HS3ST2: variants seen among roughly 807,000 people sequenced by gnomAD.
HS3ST2 encodes the protein heparan sulfate glucosamine 3-O-sulfotransferase 2.
HS3ST2 carries 17 observed loss-of-function variants against 26.3 expected under a neutral mutation model. The observed-to-expected ratio is 0.65, with a 90% CI of 0.44 to 0.97. The LOEUF is 0.97. Ranked by LOEUF, HS3ST2 falls within the 50% of genes least tolerant of loss-of-function variation. The probability of loss-of-function intolerance (pLI) is 0.00; values close to 1 mark genes in which losing one functional copy is unlikely to be tolerated. For missense variants in HS3ST2, 402 were observed against 501.2 expected, an observed-to-expected ratio of 0.80 and a Z score of 1.89; for synonymous variants, 237 against 219.2, an observed-to-expected ratio of 1.08 and a Z score of -0.72.
chr16:22,820,175 C>G (rs2141174171), intron 1 of HS3ST2, among the ~76,000 whole-genome samples: 1 of 152,328 alleles, frequency 6.6e-6, no homozygotes, highest in Non-Finnish European at 1.5e-5. Flanking sequence ...ATAAACCCCC[C>G]CCCATTTGTC....
rs142376058 is a variant in HS3ST2 at position 22,883,277 on chromosome 16, C to T, written c.486-31667C>T. On this transcript the variant is annotated intron_variant, in intron 1 of 1. Coordinates refer to ENST00000261374, the MANE Select transcript of HS3ST2 (RefSeq NM_006043.2). Reference sequence around the variant, plus strand: ...ATCAGACAACTATTGTCCATAACATCAGCCCTGCAACTCAGTCTGAGGGTT... The same window carrying T: ...ATCAGACAACTATTGTCCATAACATTAGCCCTGCAACTCAGTCTGAGGGTT... Among the ~76,000 whole-genome samples the T allele has an allele frequency of 1.4e-3, 211 of 152,340 alleles. 1 individual carries two copies. Among genetic ancestry groups the T allele is most frequent in the African/African-American group, 4.7e-3 (197 of 41,576 alleles).
rs377238664 is a variant in HS3ST2, at chr16:22,914,964, T to A, written c.506T>A (p.Leu169His). The A allele has an allele frequency of 4.3e-6, 7 of 1,612,884 alleles. No homozygotes were observed. In the African/African-American group the frequency reaches 9.3e-5, roughly 22 times the overall value. ...DWYRSLMPRT[L>H]ESQITLEKTP... is the part of the protein sequence containing the mutation. Reference sequence around the variant, plus strand: ...CACAGGAGCCTGATGCCCAGGACCCTCGAGAGCCAGATCACGCTGGAGAAG... The same window carrying A: ...CACAGGAGCCTGATGCCCAGGACCCACGAGAGCCAGATCACGCTGGAGAAG... The change falls in exon 2 of 2, where the codon CTC (leucine) becomes CAC (histidine). Residue 169 changes from leucine to histidine, a missense_variant. Leu to His is a moderately conservative substitution (Grantham distance 99, BLOSUM62 -3). Around this residue, in one of 2 missense-constraint regions of HS3ST2, gnomAD observed 237 missense variants for 346.6 expected, o/e 0.68. Transcript: ENST00000261374.
chr16:22,874,562 G>T (rs1479048367), intron 1 of HS3ST2, among the ~76,000 whole-genome samples: 3 of 152,198 alleles, frequency 2.0e-5, no homozygotes, highest in South Asian at 2.1e-4. Context: ...ATATGGCTGT[G>T]AGTCTGTCTC....
At chr16:22,887,564 A>C (rs1902076965) in intron 1 of HS3ST2, among the ~76,000 whole-genome samples, 1 of 152,106 alleles carries the variant, frequency 6.6e-6, no homozygotes, top group African/African-American at 2.4e-5. Context: ...TGACACAAAC[A>C]CTCAGTCTAT....
chr16:22,821,988 C>G (rs928949442), intron 1 of HS3ST2, among the ~76,000 whole-genome samples: 1 of 152,118 alleles, frequency 6.6e-6, no homozygotes, highest in Non-Finnish European at 1.5e-5. Context: ...GGCTCCACCT[C>G]AGTGTCCATG....
chr16:22,897,217 T>G (rs1354402970), intron 1 of HS3ST2, among the ~76,000 whole-genome samples: 3 of 152,260 alleles, frequency 2.0e-5, no homozygotes, highest in Non-Finnish European at 4.4e-5. Flanking sequence ...TTTCTTTTCC[T>G]TTATCACAAG....
At chr16:22,832,835 G>A (rs1188409173) in intron 1 of HS3ST2, among the ~76,000 whole-genome samples, 1 of 151,682 alleles carries the variant, frequency 6.6e-6, no homozygotes, top group Non-Finnish European at 1.5e-5. Context: ...CAGCACCGAT[G>A]ACCTCCTGCC....
At chr16:22,906,830 C>G (rs1241023153) in intron 1 of HS3ST2, among the ~76,000 whole-genome samples, 2 of 152,234 alleles carry the variant, frequency 1.3e-5, no homozygotes, top group African/African-American at 4.8e-5. Flanking sequence ...CAATGGGCAT[C>G]TACCTCTGAC....
At chr16:22,827,001 G>A (rs1018298241) in intron 1 of HS3ST2, among the ~76,000 whole-genome samples, 9 of 152,154 alleles carry the variant, frequency 5.9e-5, no homozygotes, top group Admixed American at 2.0e-4. Flanking sequence ...ACAGGGAGGC[G>A]GAGAAAGAAT....
intron 1 of HS3ST2, among the ~76,000 whole-genome samples, chr16:22,827,181 G>T (rs1404211621): frequency 6.6e-6 from 1 of 152,214 alleles, no homozygotes; most frequent in Non-Finnish European, 1.5e-5. Context: ...CCTGAGGACA[G>T]AGGGTGGCTG....
intron 1 of HS3ST2, among the ~76,000 whole-genome samples, chr16:22,857,228 C>T (rs944364335): frequency 5.9e-5 from 9 of 152,086 alleles, no homozygotes; most frequent in Admixed American, 3.3e-4. Flanking sequence ...TATTAATTTC[C>T]GTAGTTATAA....
chr16:22,846,865 G>A (rs1345816017), intron 1 of HS3ST2, among the ~76,000 whole-genome samples: 2 of 152,174 alleles, frequency 1.3e-5, no homozygotes, highest in Admixed American at 6.5e-5. Context: ...GAGACAGTCT[G>A]GATGTCCATC....
chr16:22,854,390 G>A (rs1178745472), intron 1 of HS3ST2, among the ~76,000 whole-genome samples: 1 of 151,872 alleles, frequency 6.6e-6, no homozygotes, highest in Non-Finnish European at 1.5e-5. Flanking sequence ...ATATTCTTTT[G>A]AAACACAGGT....
chr16:22,886,856 G>T, intron 1 of HS3ST2, among the ~76,000 whole-genome samples: 1 of 152,038 alleles, frequency 6.6e-6, no homozygotes, highest in South Asian at 2.1e-4. Context: ...AAGCTCCTGG[G>T]CTCAAACGGT....
At chr16:22,881,624 C>A (rs1218321510) in intron 1 of HS3ST2, among the ~76,000 whole-genome samples, 1 of 152,186 alleles carries the variant, frequency 6.6e-6, no homozygotes, top group South Asian at 2.1e-4. Context: ...AGATGACTCT[C>A]ACGACAGAAT....
chr16:22,910,051 A>AAAAG (rs1555515049), intron 1 of HS3ST2, among the ~76,000 whole-genome samples: 5 of 151,566 alleles, frequency 3.3e-5, no homozygotes, highest in Non-Finnish European at 7.4e-5. Flanking sequence ...AAAAAAAAAA[A>AAAAG]AAAGAAAGAA....
chr16:22,902,976 T>C (rs1474561525), intron 1 of HS3ST2, among the ~76,000 whole-genome samples: 1 of 152,188 alleles, frequency 6.6e-6, no homozygotes, highest in Non-Finnish European at 1.5e-5. Context: ...TTTGTGTTTA[T>C]AGTGTAGGTG....
chr16:22,873,819 A>T (rs1422491064), intron 1 of HS3ST2, among the ~76,000 whole-genome samples: 1 of 152,144 alleles, frequency 6.6e-6, no homozygotes, highest in Non-Finnish European at 1.5e-5. Flanking sequence ...GGCTGGATTC[A>T]CTCACACATC....
rs941122760 is a variant in HS3ST2, at chr16:22,902,543, C to T, written c.486-12401C>T. On this transcript the variant is annotated intron_variant, in intron 1 of 1. Coordinates refer to ENST00000261374, the MANE Select transcript of HS3ST2 (RefSeq NM_006043.2). ...CACCTGGCACATGAGTCTTTATGCACTTGTGCAAATACATTTCCAGGAGTG... is the reference window on the plus strand; with the variant it reads ...CACCTGGCACATGAGTCTTTATGCATTTGTGCAAATACATTTCCAGGAGTG... Among the ~76,000 whole-genome samples, 7 of 152,272 alleles carry T rather than the reference C, an allele frequency of 4.6e-5. 1 individual carries two copies. The Middle Eastern group carries it at 0.014, about 296-fold the overall frequency.
Sources: allele counts gnomAD v4.1 joint callset (sites outside exome capture counted in the v4.1 genomes callset), GRCh38; gene constraint gnomAD v4.1.1; regional missense constraint gnomAD v4.1.1; transcripts MANE v1.5; gene names NCBI Gene and HGNC (gene_info 2026-07-23, HGNC 2026-07-21).